MFSD1: variants seen among roughly 807,000 people sequenced by gnomAD.
MFSD1 encodes the protein lysosomal dipeptide transporter MFSD1.
MFSD1 carries 59 observed loss-of-function variants against 67.1 expected under a neutral mutation model. That is an observed-to-expected ratio of 0.88 (90% CI 0.71 to 1.09). The LOEUF is 1.09. Among genes scored for constraint, MFSD1 ranks in the 50% least tolerant of loss-of-function variants. The probability of loss-of-function intolerance (pLI) is 0.00; values close to 1 mark genes in which losing one functional copy is unlikely to be tolerated. For synonymous variants in MFSD1, 213 were observed against 200.3 expected (o/e 1.06, Z -0.54); for missense variants, 552 against 566.1 (o/e 0.97, Z 0.25).
chr3:158,805,199 G>C (rs112828344), intron 2 of MFSD1, 163 bp from the exon 3 acceptor site: 1 of 626,200 alleles, frequency 1.6e-6, no homozygotes, highest in Non-Finnish European at 2.8e-6. Context: ...GCTTTCATGA[G>C]ATTCTCAAGG....
At position 158,829,279 on chromosome 3, in the gene MFSD1, G is replaced by A. The variant is rs752475929; in HGVS notation, c.*297G>A. On this transcript the variant is annotated 3_prime_UTR_variant, in exon 16 of 16. Transcript: ENST00000415822. ...GGAAAGACAGTGAAAAATGGAAAAC[G>A]TTGGAGCTTCTGTTGAGATAATCTT... 4.9e-5 allele frequency: 12 copies of A among 247,278 alleles called. No homozygotes were observed. Among genetic ancestry groups the A allele is most frequent in the South Asian group, 4.1e-4 (3 of 7,294 alleles). 15.3% of individuals were successfully genotyped at this position (247,278 alleles called of 1,614,324 possible). A position where few individuals can be genotyped will look rare whatever the true frequency, so the allele number is the denominator to read the frequency against.
At chr3:158,802,365 T>C (rs765387365) in intron 1 of MFSD1, 50 bp downstream of exon 1, 2 of 1,603,318 alleles carry the variant, frequency 1.2e-6, no homozygotes, top group Non-Finnish European at 1.7e-6. Context: ...TTCCCGACTT[T>C]CTCTTCGAGG....
intron 7 of MFSD1, among the ~76,000 whole-genome samples, chr3:158,817,571 T>C (rs1345198081): frequency 6.6e-6 from 1 of 152,164 alleles, no homozygotes; most frequent in Non-Finnish European, 1.5e-5. Flanking sequence ...CAAGGAGAAC[T>C]ACAAACCACT....
chr3:158,810,139 C>T (rs1401590951), intron 6 of MFSD1, among the ~76,000 whole-genome samples: 1 of 152,174 alleles, frequency 6.6e-6, no homozygotes, highest in Non-Finnish European at 1.5e-5. Flanking sequence ...ATTTTCCCAC[C>T]TCAGCCTATA....
intron 14 of MFSD1, among the ~76,000 whole-genome samples, 153 bp downstream of exon 14, chr3:158,826,215 A>C (rs1576917374): frequency 6.6e-6 from 1 of 152,158 alleles, no homozygotes; most frequent in Admixed American, 6.5e-5. Context: ...GTAATATATA[A>C]TTATGTTTTC....
Position 158,822,115 on chromosome 3 carries a change from C to A in MFSD1, c.1052C>A (p.Thr351Lys). 1 of 1,613,216 alleles carries A rather than the reference C, an allele frequency of 6.2e-7. No individual in the cohort carries two copies. The highest frequency in any genetic ancestry group is 8.5e-7 in the Non-Finnish European group (1 of 1,179,316). Residue 351 changes from threonine to lysine, a missense_variant, in exon 11 of 16, where the codon ACG (threonine) becomes AAG (lysine). Transcript: ENST00000415822. ...TLVSHMMLAFTMWNPWIAMCL... is the reference protein window; with the variant it reads ...TLVSHMMLAFKMWNPWIAMCL... ...GTGTCCCACATGATGCTGGCCTTTA[C>A]GATGTGGAACCCTTGGATTGCTATG...
intron 13 of MFSD1, among the ~76,000 whole-genome samples, chr3:158,825,504 A>G (rs1391013927): frequency 2.0e-5 from 3 of 152,240 alleles, no homozygotes; most frequent in African/African-American, 7.2e-5. Flanking sequence ...TATTAAAGGA[A>G]AAAGCCAAGG....
At position 158,807,137 on chromosome 3, in the gene MFSD1, C is replaced by G; in HGVS notation, c.372+55C>G. 6.7e-7 allele frequency: 1 copy of G among 1,481,944 alleles called. No homozygotes were observed. The highest frequency in any genetic ancestry group is 9.4e-7 in the Non-Finnish European group (1 of 1,068,822). The allele number at this position is 1,481,944 out of a possible 1,614,324, so 91.8% of individuals were successfully genotyped here. ...TTGACAGTGACTTCTAAATTCTTAT[C>G]TAATTAATTCCATTGGCAAAGCTGT... On this transcript the variant is annotated intron_variant, in intron 4 of 15. Transcript: ENST00000415822.
intron 7 of MFSD1, among the ~76,000 whole-genome samples, chr3:158,819,315 A>G (rs965614712): frequency 1.3e-5 from 2 of 152,336 alleles, no homozygotes; most frequent in Non-Finnish European, 2.9e-5. Flanking sequence ...AGACTGAATG[A>G]AGAAATGAGG....
intron 5 of MFSD1, among the ~76,000 whole-genome samples, chr3:158,808,767 T>C (rs953315462): frequency 2.0e-5 from 3 of 152,024 alleles, no homozygotes; most frequent in African/African-American, 7.3e-5. Context: ...GCTGGTAAGA[T>C]TCATGGAAGG....
chr3:158,821,212 C>A (rs1730652559), intron 9 of MFSD1, among the ~76,000 whole-genome samples: 1 of 152,066 alleles, frequency 6.6e-6, no homozygotes, highest in South Asian at 2.1e-4. Flanking sequence ...TGGTTTATAC[C>A]CTTTGAGTTC....
At chr3:158,811,731 T>G (rs942435405) in intron 6 of MFSD1, among the ~76,000 whole-genome samples, 1 of 152,220 alleles carries the variant, frequency 6.6e-6, no homozygotes, top group Non-Finnish European at 1.5e-5. Context: ...GACTGAGAAG[T>G]GTACATGCCT....
intron 9 of MFSD1, 51 bp from the exon 10 acceptor site, chr3:158,821,546 A>G (rs1326387452): frequency 8.4e-7 from 1 of 1,195,532 alleles, no homozygotes; most frequent in Non-Finnish European, 1.2e-6. Context: ...ATTTTTTGAA[A>G]ACAGAGTAGT....
At chr3:158,816,694 C>G (rs1016293587) in intron 7 of MFSD1, among the ~76,000 whole-genome samples, 11 of 151,328 alleles carry the variant, frequency 7.3e-5, no homozygotes, top group South Asian at 2.1e-4. Flanking sequence ...GTTGCCATTG[C>G]TTTTGGTGTT....
At chr3:158,828,898 G>A in intron 15 of MFSD1, 81 bp from the exon 16 acceptor site, 1 of 1,446,068 alleles carries the variant, frequency 6.9e-7, no homozygotes, top group Non-Finnish European at 9.5e-7. Context: ...GTCTTGTAAT[G>A]CTTGGTTTTC....
At position 158,829,111 on chromosome 3, in the gene MFSD1, T is replaced by A. The variant is rs997913604; in HGVS notation, c.*129T>A. On this transcript the variant is annotated 3_prime_UTR_variant, in exon 16 of 16. Transcript: ENST00000415822. ...CTGGAAAGTTATATTTATATCCAAA[T>A]ATACCTATTTCAAAGTGTATTTGTG... 3 of 780,810 alleles carry A rather than the reference T, an allele frequency of 3.8e-6. No homozygotes were observed. The highest frequency in any genetic ancestry group is 5.9e-6 in the Non-Finnish European group (3 of 512,046). The allele number at this position is 780,810 out of a possible 1,614,324, so 48.4% of individuals were successfully genotyped here.
intron 1 of MFSD1, among the ~76,000 whole-genome samples, chr3:158,803,624 A>G (rs973518636): frequency 7.9e-5 from 12 of 152,336 alleles, no homozygotes; most frequent in Admixed American, 2.6e-4. Flanking sequence ...AGCCTCGTGC[A>G]CTTGTAGAGT....
chr3:158,821,622 T>G lies in MFSD1; in HGVS notation c.889T>G (p.Phe297Val), dbSNP rs773236918. The change falls in exon 10 of 16, where the codon TTT becomes GTT. Residue 297 changes from phenylalanine (F) to valine (V), a missense_variant. Physicochemically the swap from Phe to Val is conservative, Grantham distance 50. Coordinates refer to ENST00000415822, the MANE Select transcript of MFSD1 (RefSeq NM_022736.4). ...GKVFFTEKFGFSSQAASAINS... is the reference protein window; with the variant it reads ...GKVFFTEKFGVSSQAASAINS... ...AGTTTTCTTTACAGAGAAATTTGGATTTTCTTCCCAGGCAGCAAGTGCAAT... is the reference window on the plus strand; with the variant it reads ...AGTTTTCTTTACAGAGAAATTTGGAGTTTCTTCCCAGGCAGCAAGTGCAAT... 1.2e-6 allele frequency: 2 copies of G among 1,610,594 alleles called. No homozygotes were observed. Among genetic ancestry groups the G allele is most frequent in the Admixed American group, 3.3e-5 (2 of 59,876 alleles).
Position 158,813,950 on chromosome 3 carries a change from TCC to T in MFSD1, c.550-13_550-12del. 6.4e-7 allele frequency: 1 copy of T among 1,565,116 alleles called. No individual in the cohort carries two copies. Among genetic ancestry groups the T allele is most frequent in the Non-Finnish European group, 8.8e-7 (1 of 1,138,608 alleles). ...GATTTAAAATGCTGTTGTTTTTTTT[TCC>T]CTTCTCATTTAGGGAAGTACAGTAA... On this transcript the variant is annotated splice_polypyrimidine_tract_variant and intron_variant, in intron 6 of 15. Transcript: ENST00000415822.
Sources: gnomAD v4.1 joint callset for allele counts (sites outside exome capture counted in the v4.1 genomes callset) on GRCh38, gnomAD v4.1.1 for gene constraint, MANE v1.5 for transcripts, NCBI Gene and HGNC (gene_info 2026-07-23, HGNC 2026-07-21) for gene names.